The following SPOCK1 variants were observed in gnomAD, a reference collection of about 807,000 sequenced individuals.
SPOCK1 encodes the protein testican-1.
Under a neutral mutation model 55.3 loss-of-function variants are expected in SPOCK1, and 23 were observed. The ratio of observed to expected loss-of-function variants is 0.42; its 90% confidence interval spans 0.30 to 0.59. The LOEUF (loss-of-function observed/expected upper bound fraction) is 0.59, where lower values mean the gene tolerates loss of function less well. Ranked by LOEUF, SPOCK1 falls within the 20% of genes least tolerant of loss-of-function variation. The pLI is 0.22. For missense variants in SPOCK1, 499 were observed against 552.5 expected, an observed-to-expected ratio of 0.90 and a Z score of 0.97; for synonymous variants, 226 against 221.0, an observed-to-expected ratio of 1.02 and a Z score of -0.20.
At chr5:137,037,458 G>C (rs1345432021) in intron 6 of SPOCK1, among the ~76,000 whole-genome samples, 2 of 151,670 alleles carry the variant, frequency 1.3e-5, no homozygotes, top group Non-Finnish European at 2.9e-5. Context: ...CAAATTTCCA[G>C]AACACTTGTC....
intron 3 of SPOCK1, among the ~76,000 whole-genome samples, chr5:137,155,276 A>G (rs1020155023): frequency 8.5e-5 from 13 of 152,148 alleles, no homozygotes; most frequent in African/African-American, 2.9e-4. Context: ...TCTAATGTCT[A>G]TTTCCCAGGA....
chr5:137,287,087 G>A (rs1757282517), intron 2 of SPOCK1, among the ~76,000 whole-genome samples: 1 of 152,200 alleles, frequency 6.6e-6, no homozygotes, highest in Non-Finnish European at 1.5e-5. Flanking sequence ...GGGTCACACT[G>A]CTTTTCAGTT....
intron 4 of SPOCK1, among the ~76,000 whole-genome samples, chr5:137,138,324 T>C (rs966009323): frequency 6.6e-6 from 1 of 152,146 alleles, no homozygotes; most frequent in Non-Finnish European, 1.5e-5. Context: ...AAACACGGCA[T>C]GCCCAGAAAA....
At chr5:137,165,943 AAG>A (rs1754640581) in intron 3 of SPOCK1, among the ~76,000 whole-genome samples, 1 of 152,176 alleles carries the variant, frequency 6.6e-6, no homozygotes, top group Non-Finnish European at 1.5e-5. Flanking sequence ...GGGCACATCT[AAG>A]AGTTATTGGC....
In SPOCK1 at chr5:137,267,008, A is replaced by G. The variant is rs201685080; in HGVS notation, c.232+2T>C. 4 of 1,611,810 alleles carry G rather than the reference A, an allele frequency of 2.5e-6. No homozygotes were observed. Among genetic ancestry groups the G allele is most frequent in the Admixed American group, 3.3e-5 (2 of 59,940 alleles). On this transcript the variant is annotated splice_donor_variant, in intron 3 of 10. Transcript: ENST00000394945. LOFTEE classifies it high-confidence loss of function. ...TACAGCAAGAAATATTGCATCCATT[A>G]CCTTGGTCAAAGGGCTTGTTGGGAT...
intron 9 of SPOCK1, among the ~76,000 whole-genome samples, chr5:136,982,865 ACCAGAGT>A (rs1160455729): frequency 6.6e-6 from 1 of 152,182 alleles, no homozygotes. Context: ...GTTTCAGAGT[ACCAGAGT>A]ACCTCTGTCA....
At chr5:137,417,862 G>C (rs1238087987) in intron 2 of SPOCK1, among the ~76,000 whole-genome samples, 1 of 152,060 alleles carries the variant, frequency 6.6e-6, no homozygotes, top group African/African-American at 2.4e-5. Context: ...GTGCAGGTTT[G>C]TTACATATGT....
chr5:137,173,998 T>A (rs994844674), intron 3 of SPOCK1, among the ~76,000 whole-genome samples: 1 of 152,216 alleles, frequency 6.6e-6, no homozygotes, highest in Non-Finnish European at 1.5e-5. Context: ...CTTATGCAAC[T>A]GATGAAAGGC....
intron 4 of SPOCK1, among the ~76,000 whole-genome samples, chr5:137,125,458 T>C (rs1353582940): frequency 6.6e-6 from 1 of 152,158 alleles, no homozygotes; most frequent in East Asian, 1.9e-4. Flanking sequence ...GATGATGGTA[T>C]TAGGAGGTGG....
At chr5:137,059,921 T>C (rs1752365264) in intron 6 of SPOCK1, among the ~76,000 whole-genome samples, 1 of 152,190 alleles carries the variant, frequency 6.6e-6, no homozygotes, top group African/African-American at 2.4e-5. Flanking sequence ...TGATTCAGAA[T>C]GGCTATTATT....
At chr5:137,077,072 C>T (rs1192074077) in intron 5 of SPOCK1, among the ~76,000 whole-genome samples, 2 of 152,154 alleles carry the variant, frequency 1.3e-5, no homozygotes, top group Non-Finnish European at 2.9e-5. Flanking sequence ...TACAGGCGCC[C>T]ACCACCACGC....
chr5:137,367,940 C>T (rs1290025828), intron 2 of SPOCK1, among the ~76,000 whole-genome samples: 1 of 152,230 alleles, frequency 6.6e-6, no homozygotes, highest in African/African-American at 2.4e-5. Flanking sequence ...TAGGAAACTG[C>T]AGTGGAAATA....
chr5:137,366,451 A>C (rs1482749232), intron 2 of SPOCK1, among the ~76,000 whole-genome samples: 1 of 152,192 alleles, frequency 6.6e-6, no homozygotes, highest in African/African-American at 2.4e-5. Flanking sequence ...TTTTCCGACA[A>C]GAAAAGACAA....
intron 6 of SPOCK1, among the ~76,000 whole-genome samples, chr5:137,067,135 C>A (rs550290983): frequency 6.6e-6 from 1 of 152,276 alleles, no homozygotes; most frequent in African/African-American, 2.4e-5. Flanking sequence ...ACCAGTGGGA[C>A]AACATTACTT....
chr5:137,490,443 G>C (rs1389262931), intron 2 of SPOCK1, among the ~76,000 whole-genome samples: 1 of 152,152 alleles, frequency 6.6e-6, no homozygotes, highest in African/African-American at 2.4e-5. Context: ...CAAATTATGG[G>C]CACCAGACAT....
At chr5:137,155,506 C>T (rs539299002) in intron 3 of SPOCK1, among the ~76,000 whole-genome samples, 25 of 152,268 alleles carry the variant, frequency 1.6e-4, no homozygotes, top group East Asian at 3.9e-4. Context: ...AGTGAGGTCA[C>T]GCTGGAAACT....
chr5:136,985,446 T>G (rs918658787), intron 8 of SPOCK1, among the ~76,000 whole-genome samples: 1 of 151,814 alleles, frequency 6.6e-6, no homozygotes, highest in East Asian at 1.9e-4. Context: ...AAATTTTTCT[T>G]TCTAGTACCA....
At chr5:137,229,228 GA>G (rs1329701253) in intron 3 of SPOCK1, among the ~76,000 whole-genome samples, 4 of 151,922 alleles carry the variant, frequency 2.6e-5, no homozygotes, top group African/African-American at 7.3e-5. Flanking sequence ...ATAAAGGGGA[GA>G]AAAAAAGAAA....
At chr5:137,434,318 C>T (rs151040505) in intron 2 of SPOCK1, among the ~76,000 whole-genome samples, 1 of 152,026 alleles carries the variant, frequency 6.6e-6, no homozygotes, top group African/African-American at 2.4e-5. Flanking sequence ...TAAAAAACAT[C>T]CCCCATTCCA....
Sources: allele counts gnomAD v4.1 joint callset (sites outside exome capture counted in the v4.1 genomes callset), GRCh38; gene constraint gnomAD v4.1.1; transcripts MANE v1.5; gene names NCBI Gene and HGNC (gene_info 2026-07-23, HGNC 2026-07-21).